RGS9: variants seen among roughly 807,000 people sequenced by gnomAD.
The protein encoded by RGS9 is regulator of G-protein signalling 9.
RGS9 carries 78 observed loss-of-function variants against 102.0 expected under a neutral mutation model. That is an observed-to-expected ratio of 0.76 (90% CI 0.64 to 0.92). The LOEUF is 0.92. Among genes scored for constraint, RGS9 ranks in the 40% least tolerant of loss-of-function variants. The pLI, the probability that RGS9 is intolerant of heterozygous loss-of-function variation, is 0.00. For synonymous variants in RGS9, 353 were observed against 318.6 expected, an observed-to-expected ratio of 1.11 and a Z score of -1.15; for missense variants, 833 against 866.1, an observed-to-expected ratio of 0.96 and a Z score of 0.48.
At position 65,202,017 on chromosome 17, in the gene RGS9, C is replaced by T. The variant is rs778287316; in HGVS notation, c.1001C>T (p.Ala334Val). 1.2e-6 allele frequency: 2 copies of T among 1,613,410 alleles called. No individual in the cohort carries two copies. The highest frequency in any genetic ancestry group is 2.2e-5 in the East Asian group (1 of 44,886). Residue 334 changes from alanine to valine, a missense_variant, in exon 14 of 19, where the codon GCC becomes GTC. Ala to Val is a moderately conservative substitution (Grantham distance 64). Coordinates refer to ENST00000262406, the MANE Select transcript of RGS9 (RefSeq NM_003835.4). Reference sequence around the variant, plus strand: ...GGAGAGAATCTGGGATTCTGGGAAGCCTGCGAGGATCTGAAGTATGGAGAT... The same window carrying T: ...GGAGAGAATCTGGGATTCTGGGAAGTCTGCGAGGATCTGAAGTATGGAGAT... ...FSGENLGFWEACEDLKYGDQS... is the reference protein window; with the variant it reads ...FSGENLGFWEVCEDLKYGDQS...
intron 1 of RGS9, among the ~76,000 whole-genome samples, chr17:65,153,140 C>G (rs1401105739): frequency 6.6e-6 from 1 of 152,164 alleles, no homozygotes; most frequent in East Asian, 1.9e-4. Context: ...CAGCAAAATC[C>G]TTTCTTGTTA....
chr17:65,210,565 C>A lies in RGS9; in HGVS notation c.1367C>A (p.Ala456Asp). 1 of 1,614,060 alleles carries A rather than the reference C, an allele frequency of 6.2e-7. No individual in the cohort carries two copies. Among genetic ancestry groups the A allele is most frequent in the African/African-American group, 1.3e-5 (1 of 75,048 alleles). The change falls in exon 17 of 19, where the codon GCC becomes GAC. Residue 456 changes from alanine to aspartate, a missense_variant. This residue lies in a region of RGS9 where 185 missense variants were observed against 248.7 expected (regional missense o/e 0.74). Transcript: ENST00000262406. ...PVILRQLEEE[A>D]KAREAANTVD... ...ATCCTGAGACAGCTGGAAGAGGAAG[C>A]CAAGGCCCGAGAAGCAGCCAACACT...
chr17:65,170,665 G>A (rs1011472902), intron 8 of RGS9, among the ~76,000 whole-genome samples: 4 of 152,256 alleles, frequency 2.6e-5, no homozygotes, highest in African/African-American at 9.6e-5. Context: ...CCGAATGCCT[G>A]GGTTTACACG....
intron 1 of RGS9, among the ~76,000 whole-genome samples, chr17:65,146,842 A>G (rs1910382424): frequency 6.6e-6 from 1 of 152,172 alleles, no homozygotes; most frequent in African/African-American, 2.4e-5. Flanking sequence ...GTGAGCCAAG[A>G]TCATGCCACT....
At position 65,182,056 on chromosome 17, in the gene RGS9, A is replaced by C. The variant is rs904233186; in HGVS notation, c.654+4253A>C. Reference sequence around the variant, plus strand: ...GGTTAGAGGTGGAAGGAGGGGTTACATGCCAATTTCAACCTCTCTGCCTAC... The same window carrying C: ...GGTTAGAGGTGGAAGGAGGGGTTACCTGCCAATTTCAACCTCTCTGCCTAC... On this transcript the variant is annotated intron_variant, in intron 9 of 18. Coordinates refer to ENST00000262406, the MANE Select transcript of RGS9 (RefSeq NM_003835.4). 4.6e-5 allele frequency among the ~76,000 whole-genome samples: 7 copies of C among 152,164 alleles called. No homozygotes were observed. The East Asian group carries it at 1.3e-3, about 29-fold the overall frequency.
chr17:65,177,087 A>ATCCT (rs1673838025), intron 8 of RGS9, among the ~76,000 whole-genome samples: 1 of 140,276 alleles, frequency 7.1e-6, no homozygotes, highest in South Asian at 2.1e-4. Context: ...CCATCCATCC[A>ATCCT]TCCATCCTTC....
chr17:65,182,709 T>C (rs926199686), intron 9 of RGS9, among the ~76,000 whole-genome samples: 26 of 152,204 alleles, frequency 1.7e-4, no homozygotes, highest in African/African-American at 6.0e-4. Flanking sequence ...GTGTTTCCAG[T>C]TCTGTAGCTC....
At position 65,137,693 on chromosome 17, in the gene RGS9, C is replaced by T. The variant is rs192914273; in HGVS notation, c.57+96C>T. ...AGAGGGGCAGGAGTGGAGAGCACCC[C>T]TTTGGGTCGATTTGTGCTGCTCGAT... On this transcript the variant is annotated intron_variant, in intron 1 of 18. Transcript: ENST00000262406. 703 of 1,128,812 alleles carry T rather than the reference C, an allele frequency of 6.2e-4. 2 individuals are homozygous for T. In the African/African-American group the frequency reaches 9.1e-3, roughly 15 times the overall value. 69.9% of individuals were successfully genotyped at this position (1,128,812 alleles called of 1,614,324 possible). A position where few individuals can be genotyped will look rare whatever the true frequency, so the allele number is the denominator to read the frequency against.
chr17:65,189,239 A>T (rs772078757), intron 9 of RGS9, 47 bp from the exon 10 acceptor site: 2 of 1,551,358 alleles, frequency 1.3e-6, no homozygotes, highest in Non-Finnish European at 1.8e-6. Context: ...TTGAACTGTA[A>T]TGATTTCATG....
intron 7 of RGS9, among the ~76,000 whole-genome samples, chr17:65,164,237 T>C (rs562465758): frequency 1.0e-3 from 154 of 152,254 alleles, no homozygotes; most frequent in African/African-American, 3.7e-3. Context: ...CTTTCCCCAC[T>C]TCCAGGACCC....
chr17:65,161,996 C>A (rs563684377), intron 6 of RGS9, among the ~76,000 whole-genome samples: 214 of 152,278 alleles, frequency 1.4e-3, no homozygotes, highest in African/African-American at 4.7e-3. Context: ...CCATGCTAGG[C>A]CACGTGTTTT....
Position 65,182,928 on chromosome 17 carries a change from T to TG in RGS9, c.654+5126dup. On this transcript the variant is annotated intron_variant, in intron 9 of 18. Coordinates refer to ENST00000262406, the MANE Select transcript of RGS9 (RefSeq NM_003835.4). The stretch of plus-strand genomic sequence containing the variant: ...AGTGAACTGCATTTTTATTTTGCAC[T>TG]GAGCCTTGCAAATTGTAAGCAATTC... Among the ~76,000 whole-genome samples, 3 of 152,370 alleles carry TG rather than the reference T, an allele frequency of 2.0e-5. 1 individual carries two copies. In the South Asian group the frequency reaches 6.2e-4, roughly 32 times the overall value.
At chr17:65,215,647 G>A (rs1337317656) in intron 17 of RGS9, among the ~76,000 whole-genome samples, 1 of 150,626 alleles carries the variant, frequency 6.6e-6, no homozygotes, top group East Asian at 1.9e-4. Flanking sequence ...CCCTGCCTCA[G>A]CCTCCCAAGT....
chr17:65,144,515 A>G (rs1910281276), intron 1 of RGS9, among the ~76,000 whole-genome samples: 2 of 152,338 alleles, frequency 1.3e-5, no homozygotes, highest in South Asian at 4.1e-4. Context: ...GGGGTCAGAC[A>G]GGGTCCCGCG....
In RGS9 at chr17:65,227,240, C is replaced by T. The variant is rs774182337; in HGVS notation, c.1893-35C>T. On this transcript the variant is annotated intron_variant, in intron 18 of 18. Transcript: ENST00000262406. ...GGAGGTGCAGTCCCTCCTGCCCCTG[C>T]CCCTACATTACTGGCTTTCCTCTTG... The T allele has an allele frequency of 5.6e-6, 9 of 1,613,862 alleles. No individual in the cohort carries two copies. The African/African-American group carries it at 1.1e-4, about 19-fold the overall frequency.
intron 3 of RGS9, 148 bp from the exon 4 acceptor site, chr17:65,160,085 G>T: frequency 1.3e-6 from 1 of 748,452 alleles, no homozygotes; most frequent in South Asian, 1.4e-5. Flanking sequence ...CCACAGCCAA[G>T]TTCAGCAACC....
At chr17:65,192,165 A>G (rs560641856) in intron 11 of RGS9, among the ~76,000 whole-genome samples, 2 of 152,366 alleles carry the variant, frequency 1.3e-5, no homozygotes, top group Non-Finnish European at 1.5e-5. Context: ...CAGGGTAATT[A>G]GCATATCCAT....
intron 1 of RGS9, among the ~76,000 whole-genome samples, chr17:65,141,608 T>A (rs1910160310): frequency 6.6e-6 from 1 of 152,168 alleles, no homozygotes; most frequent in South Asian, 2.1e-4. Flanking sequence ...ACCAAGGAGC[T>A]TAGAGTCTAG....
intron 1 of RGS9, among the ~76,000 whole-genome samples, chr17:65,139,556 C>T (rs1024480673): frequency 1.3e-5 from 2 of 152,138 alleles, no homozygotes; most frequent in African/African-American, 2.4e-5. Flanking sequence ...TTTAGGAACC[C>T]GGTGCCCTTT....
Sources: allele counts gnomAD v4.1 joint callset (sites outside exome capture counted in the v4.1 genomes callset), GRCh38; gene constraint gnomAD v4.1.1; regional missense constraint gnomAD v4.1.1; transcripts MANE v1.5; gene names NCBI Gene and HGNC (gene_info 2026-07-23, HGNC 2026-07-21).